Variants in NCOA1 observed in about 807,000 individuals in gnomAD.
The protein encoded by NCOA1 is nuclear receptor coactivator 1.
Under a neutral mutation model 150.9 loss-of-function variants are expected in NCOA1, and 35 were observed. That is an observed-to-expected ratio of 0.23 (90% CI 0.18 to 0.31). The LOEUF is 0.31. Among genes scored for constraint, NCOA1 ranks in the 10% least tolerant of loss-of-function variants. The pLI, the probability that NCOA1 is intolerant of heterozygous loss-of-function variation, is 1.00. For synonymous variants in NCOA1, 590 were observed against 630.0 expected (o/e 0.94, Z 0.95); for missense variants, 1,491 against 1,749.3 (o/e 0.85, Z 2.63).
intron 1 of NCOA1, among the ~76,000 whole-genome samples, chr2:24,499,943 A>G (rs992778468): frequency 3.9e-5 from 6 of 152,226 alleles, no homozygotes; most frequent in Non-Finnish European, 7.3e-5. Context: ...GAGATGATAC[A>G]GTGTAATTGG....
At chr2:24,759,019 TGTA>T (rs554382432) in intron 21 of NCOA1, among the ~76,000 whole-genome samples, 69 of 152,196 alleles carry the variant, frequency 4.5e-4, no homozygotes, top group African/African-American at 1.7e-3. Flanking sequence ...AAACAGTACA[TGTA>T]ATATATTGTC....
At chr2:24,528,875 T>C (rs1664763034) in intron 1 of NCOA1, among the ~76,000 whole-genome samples, 5 of 152,222 alleles carry the variant, frequency 3.3e-5, no homozygotes, top group East Asian at 3.9e-4. Flanking sequence ...TCAACAGATA[T>C]GATGAAGAGT....
chr2:24,552,341 ATATATATATATATTTTTTTTTTTTTTTT>A (rs1358816688), intron 1 of NCOA1, among the ~76,000 whole-genome samples: 1 of 32,652 alleles, frequency 3.1e-5, no homozygotes, highest in Non-Finnish European at 5.2e-5. Context: ...ATATATATAT[ATATATATATATATTTTTTTTTTTTTTTT>A]TTTTTTTTTT....
intron 2 of NCOA1, among the ~76,000 whole-genome samples, chr2:24,569,954 C>T (rs1368384085): frequency 1.3e-5 from 2 of 150,550 alleles, no homozygotes; most frequent in Non-Finnish European, 3.0e-5. Context: ...TGGAAAAATA[C>T]TTCCCAGAGT....
At chr2:24,509,005 T>C (rs1663820135) in intron 1 of NCOA1, among the ~76,000 whole-genome samples, 1 of 152,190 alleles carries the variant, frequency 6.6e-6, no homozygotes. Context: ...GTGTGACCAC[T>C]TGAGAATGAA....
chr2:24,718,915 G>C (rs1273295874), intron 14 of NCOA1, among the ~76,000 whole-genome samples: 1 of 146,966 alleles, frequency 6.8e-6, no homozygotes, highest in Non-Finnish European at 1.5e-5. Context: ...TGTAATCACA[G>C]CTTCTAGGGA....
At chr2:24,611,627 A>G (rs936351316) in intron 3 of NCOA1, among the ~76,000 whole-genome samples, 14 of 152,198 alleles carry the variant, frequency 9.2e-5, no homozygotes, top group South Asian at 4.1e-4. Flanking sequence ...TATATTTAGG[A>G]TAGTTAAGTC....
At position 24,746,541 on chromosome 2, in the gene NCOA1, A is replaced by G. The variant is rs554409220; in HGVS notation, c.3706+4355A>G. ...TGGGCAATAGAGCAAGCCTCTGTCTAAAAAAACAAAAACAAACATAGTCTA... is the reference window on the plus strand; with the variant it reads ...TGGGCAATAGAGCAAGCCTCTGTCTGAAAAAACAAAAACAAACATAGTCTA... On this transcript the variant is annotated intron_variant, in intron 19 of 22. Coordinates refer to ENST00000348332, the MANE Select transcript of NCOA1 (RefSeq NM_003743.5). Among the ~76,000 whole-genome samples the G allele has an allele frequency of 3.9e-5, 6 of 152,174 alleles. No homozygotes were observed. The East Asian group carries it at 1.2e-3, about 29-fold the overall frequency.
intron 22 of NCOA1, among the ~76,000 whole-genome samples, chr2:24,764,716 G>T (rs1664959536): frequency 6.6e-6 from 1 of 152,198 alleles, no homozygotes; most frequent in Non-Finnish European, 1.5e-5. Context: ...GAGGGATTTG[G>T]ATTCAACCCT....
intron 3 of NCOA1, among the ~76,000 whole-genome samples, chr2:24,618,441 A>G (rs1322925023): frequency 1.3e-5 from 2 of 152,216 alleles, no homozygotes; most frequent in South Asian, 2.1e-4. Context: ...TGTGAATGTT[A>G]TTCCTTGTAA....
chr2:24,761,675 G>C (rs184798667), intron 21 of NCOA1, among the ~76,000 whole-genome samples: 1 of 151,926 alleles, frequency 6.6e-6, no homozygotes, highest in African/African-American at 2.4e-5. Flanking sequence ...TTTTTTATTG[G>C]ATGCCAGACA....
intron 2 of NCOA1, among the ~76,000 whole-genome samples, chr2:24,566,893 G>T (rs1257936938): frequency 6.6e-6 from 1 of 152,262 alleles, no homozygotes; most frequent in Non-Finnish European, 1.5e-5. Context: ...TTCTGAGCCT[G>T]CAGGGGCATG....
chr2:24,559,803 C>T (rs906349765), intron 1 of NCOA1, among the ~76,000 whole-genome samples: 2 of 152,158 alleles, frequency 1.3e-5, no homozygotes, highest in Non-Finnish European at 2.9e-5. Flanking sequence ...TGCCTCTACC[C>T]CTCTCCTAGC....
intron 1 of NCOA1, among the ~76,000 whole-genome samples, chr2:24,541,425 A>G (rs778315213): frequency 3.3e-5 from 5 of 152,206 alleles, no homozygotes; most frequent in Non-Finnish European, 5.9e-5. Context: ...CAAAACAGGA[A>G]CAGCTGAACT....
At chr2:24,569,552 ATTTT>A (rs200639064) in intron 2 of NCOA1, among the ~76,000 whole-genome samples, 16 of 93,802 alleles carry the variant, frequency 1.7e-4, no homozygotes, top group East Asian at 6.1e-4. Flanking sequence ...GGTTTTATTA[ATTTT>A]TTTTTTTTTT....
chr2:24,699,960 C>G (rs1423269355), intron 11 of NCOA1, among the ~76,000 whole-genome samples: 1 of 152,098 alleles, frequency 6.6e-6, no homozygotes, highest in East Asian at 1.9e-4. Context: ...GCCTAATCAA[C>G]TTGGAGAAAC....
chr2:24,753,466 C>T (rs567045127), intron 20 of NCOA1, among the ~76,000 whole-genome samples: 1 of 152,308 alleles, frequency 6.6e-6, no homozygotes, highest in African/African-American at 2.4e-5. Context: ...TATCCACTTC[C>T]CCTACTCCTA....
chr2:24,647,110 T>C (rs1670512180), intron 4 of NCOA1, among the ~76,000 whole-genome samples: 1 of 152,180 alleles, frequency 6.6e-6, no homozygotes, highest in South Asian at 2.1e-4. Flanking sequence ...TTGAGTACCT[T>C]GTATACTACC....
chr2:24,559,153 C>T (rs144528864), intron 1 of NCOA1, among the ~76,000 whole-genome samples: 29 of 152,226 alleles, frequency 1.9e-4, no homozygotes, highest in African/African-American at 6.5e-4. Context: ...TCATATTTTA[C>T]TTTTTAAAGT....
Sources: gnomAD v4.1 joint callset for allele counts (sites outside exome capture counted in the v4.1 genomes callset) on GRCh38, gnomAD v4.1.1 for gene constraint, MANE v1.5 for transcripts, NCBI Gene and HGNC (gene_info 2026-07-23, HGNC 2026-07-21) for gene names.